The following MAGI1 variants were observed in gnomAD, a reference collection of about 807,000 sequenced individuals.
MAGI1 encodes membrane associated guanylate kinase, WW and PDZ domain containing 1, also known as membrane-associated guanylate kinase, WW and PDZ domain-containing protein 1.
A neutral mutation model predicts 139.9 loss-of-function variants in MAGI1; 58 were observed. That is an observed-to-expected ratio of 0.41 (90% CI 0.34 to 0.52). The LOEUF (loss-of-function observed/expected upper bound fraction) is 0.52, where lower values mean the gene tolerates loss of function less well. Ranked by LOEUF, MAGI1 falls within the 20% of genes least tolerant of loss-of-function variation. MAGI1 has a pLI of 0.12. For missense variants in MAGI1, 1,874 were observed against 1,901.6 expected, an observed-to-expected ratio of 0.99 and a Z score of 0.27; for synonymous variants, 812 against 737.9, an observed-to-expected ratio of 1.10 and a Z score of -1.63.
intron 2 of MAGI1, among the ~76,000 whole-genome samples, chr3:65,530,257 A>T (rs907466206): frequency 1.3e-5 from 2 of 152,002 alleles, no homozygotes; most frequent in African/African-American, 4.8e-5. Context: ...CATGTCACTG[A>T]ATTAGGCGAG....
intron 1 of MAGI1, among the ~76,000 whole-genome samples, chr3:65,950,702 A>G (rs1438423803): frequency 6.6e-6 from 1 of 152,190 alleles, no homozygotes; most frequent in African/African-American, 2.4e-5. Context: ...GAAATTACAA[A>G]ATGCTACCCC....
At chr3:65,558,276 C>T (rs1378119483) in intron 2 of MAGI1, among the ~76,000 whole-genome samples, 1 of 152,252 alleles carries the variant, frequency 6.6e-6, no homozygotes, top group Non-Finnish European at 1.5e-5. Flanking sequence ...ATGACAGACA[C>T]TTTATTGGCC....
chr3:65,774,801 CCTAACAAGGGGTT>C (rs1265830001), intron 1 of MAGI1, among the ~76,000 whole-genome samples: 1 of 152,108 alleles, frequency 6.6e-6, no homozygotes, highest in Non-Finnish European at 1.5e-5. Context: ...ATGTTCTGTG[CCTAACAAGGGGTT>C]CTAAGATACA....
intron 4 of MAGI1, among the ~76,000 whole-genome samples, chr3:65,475,919 C>T (rs1192641727): frequency 6.6e-6 from 1 of 151,974 alleles, no homozygotes; most frequent in Non-Finnish European, 1.5e-5. Flanking sequence ...AAGATAGAAA[C>T]AGCAGCAAGT....
rs971336289 is a variant in MAGI1 at position 66,006,020 on chromosome 3, A to G, written c.313+31976T>C. Reference sequence around the variant, plus strand: ...TTACTTGGGTTATGTTGAGCTGATAAAAAATTATATTTAGAGAGATCAGTA... The same window carrying G: ...TTACTTGGGTTATGTTGAGCTGATAGAAAATTATATTTAGAGAGATCAGTA... On this transcript the variant is annotated intron_variant, in intron 1 of 22. Transcript: ENST00000402939. Among the ~76,000 whole-genome samples, 17 of 152,198 alleles carry G rather than the reference A, an allele frequency of 1.1e-4. 1 individual carries two copies. The highest frequency in any genetic ancestry group is 2.9e-5 in the Non-Finnish European group (2 of 68,036).
At chr3:65,839,179 C>G (rs2058725142) in intron 1 of MAGI1, among the ~76,000 whole-genome samples, 2 of 152,052 alleles carry the variant, frequency 1.3e-5, no homozygotes, top group South Asian at 4.1e-4. Context: ...TACAATGGAG[C>G]TGAAAAATTC....
chr3:65,945,211 T>C (rs908357598), intron 1 of MAGI1, among the ~76,000 whole-genome samples: 1 of 152,178 alleles, frequency 6.6e-6, no homozygotes, highest in Non-Finnish European at 1.5e-5. Context: ...TTTGGTTTTT[T>C]TGTTGTTGTT....
At chr3:65,604,732 T>TAAA (rs550716750) in intron 2 of MAGI1, among the ~76,000 whole-genome samples, 1 of 142,926 alleles carries the variant, frequency 7.0e-6, no homozygotes, top group Non-Finnish European at 1.5e-5. Context: ...ACTGCTTATT[T>TAAA]AAAAAAAAAA....
intron 1 of MAGI1, among the ~76,000 whole-genome samples, chr3:65,977,660 G>A (rs572794193): frequency 1.3e-5 from 2 of 150,840 alleles, no homozygotes; most frequent in African/African-American, 2.4e-5. Context: ...GCAGTGAGCC[G>A]AGATCACACC....
chr3:65,390,421 G>A (rs556786191), intron 14 of MAGI1, among the ~76,000 whole-genome samples: 20 of 152,188 alleles, frequency 1.3e-4, no homozygotes, highest in African/African-American at 3.6e-4. Context: ...AATTTGCATC[G>A]CCTAAAATTA....
At chr3:65,687,876 C>G (rs561686891) in intron 1 of MAGI1, 1 of 629,422 alleles carries the variant, frequency 1.6e-6, no homozygotes, top group Non-Finnish European at 3.1e-6. Context: ...CCCAGAACTC[C>G]GTTTGGATAT....
Position 65,375,779 on chromosome 3 carries a change from T to A in MAGI1, c.3162A>T (p.Gly1054=). 6.2e-7 allele frequency: 1 copy of A among 1,613,996 alleles called. No homozygotes were observed. Among genetic ancestry groups the A allele is most frequent in the Non-Finnish European group, 8.5e-7 (1 of 1,179,898 alleles). ...GAATGATGCGGAGGGTAACTGTGTT[T>A]CCCGCTTCCTTGATTAGGTTCACAA... ...SDIVNLIKEA[G]NTVTLRIIPG... The change falls in exon 18 of 23, where the codon GGA becomes GGT. Residue 1054 remains glycine, a synonymous_variant. Transcript: ENST00000402939.
chr3:65,626,487 G>T (rs2107111500), intron 1 of MAGI1, among the ~76,000 whole-genome samples: 1 of 152,196 alleles, frequency 6.6e-6, no homozygotes, highest in Non-Finnish European at 1.5e-5. Flanking sequence ...ATTATGTTCA[G>T]CTATTTTTTA....
At chr3:65,569,917 T>C (rs1229327883) in intron 2 of MAGI1, among the ~76,000 whole-genome samples, 2 of 151,770 alleles carry the variant, frequency 1.3e-5, no homozygotes, top group Non-Finnish European at 2.9e-5. Flanking sequence ...TGGTGAATTA[T>C]TTTTACTGAA....
chr3:65,898,911 TAAAG>T (rs1379965664), intron 1 of MAGI1, among the ~76,000 whole-genome samples: 1 of 152,202 alleles, frequency 6.6e-6, no homozygotes, highest in East Asian at 1.9e-4. Flanking sequence ...TTTAAATAAT[TAAAG>T]AAAATTTAAA....
At chr3:66,033,177 G>A (rs1040395207) in intron 1 of MAGI1, among the ~76,000 whole-genome samples, 7 of 151,848 alleles carry the variant, frequency 4.6e-5, no homozygotes, top group African/African-American at 1.5e-4. Context: ...ACAGAAGTTC[G>A]CCACCACGCC....
intron 1 of MAGI1, among the ~76,000 whole-genome samples, chr3:65,712,744 T>G (rs1306297875): frequency 6.6e-6 from 1 of 152,162 alleles, no homozygotes; most frequent in African/African-American, 2.4e-5. Flanking sequence ...ACTCCTGGCC[T>G]CAAGTAATCC....
intron 1 of MAGI1, among the ~76,000 whole-genome samples, chr3:65,754,160 A>AT (rs1444658785): frequency 6.6e-6 from 1 of 152,170 alleles, no homozygotes; most frequent in African/African-American, 2.4e-5. Context: ...TTTACCAATG[A>AT]TTTTAAAGGA....
intron 1 of MAGI1, among the ~76,000 whole-genome samples, chr3:65,892,707 T>A (rs936689356): frequency 6.6e-6 from 1 of 152,140 alleles, no homozygotes; most frequent in Non-Finnish European, 1.5e-5. Context: ...AATCACAGAA[T>A]CCCTGGAAAT....
Sources: allele counts gnomAD v4.1 joint callset (sites outside exome capture counted in the v4.1 genomes callset), GRCh38; gene constraint gnomAD v4.1.1; transcripts MANE v1.5; gene names NCBI Gene and HGNC (gene_info 2026-07-23, HGNC 2026-07-21).